The following PIBF1 variants were observed in gnomAD, a reference collection of about 807,000 sequenced individuals.
The protein encoded by PIBF1 is progesterone immunomodulatory binding factor 1, also known as progesterone-induced-blocking factor 1.
In PIBF1, 90 loss-of-function variants were observed where a neutral mutation model predicts 112.5. The ratio of observed to expected loss-of-function variants is 0.80; its 90% CI spans 0.67 to 0.95. The LOEUF is 0.95. Among genes scored for constraint, PIBF1 ranks in the 40% least tolerant of loss-of-function variants. The pLI is 0.00. For missense variants in PIBF1, 915 were observed against 852.3 expected, an observed-to-expected ratio of 1.07 and a Z score of -0.92; for synonymous variants, 301 against 288.6, an observed-to-expected ratio of 1.04 and a Z score of -0.44.
intron 13 of PIBF1, among the ~76,000 whole-genome samples, chr13:72,919,853 C>T (rs1473880279): frequency 6.6e-6 from 1 of 152,060 alleles, no homozygotes; most frequent in Non-Finnish European, 1.5e-5. Flanking sequence ...CCTGTAGTCC[C>T]AGCTACCCTG....
chr13:72,929,146 A>G (rs1183984369), intron 13 of PIBF1, among the ~76,000 whole-genome samples: 1 of 152,246 alleles, frequency 6.6e-6, no homozygotes, highest in Non-Finnish European at 1.5e-5. Flanking sequence ...TTAACACCTA[A>G]CATGTATGAA....
chr13:72,784,292 A>AAAAAAT (rs1555279458), intron 2 of PIBF1, among the ~76,000 whole-genome samples: 33 of 151,172 alleles, frequency 2.2e-4, no homozygotes, highest in Admixed American at 7.9e-4. Flanking sequence ...AAAAAAAAAA[A>AAAAAAT]AAAATTAGCC....
chr13:72,840,908 A>T (rs2037582516), intron 9 of PIBF1, among the ~76,000 whole-genome samples: 1 of 152,206 alleles, frequency 6.6e-6, no homozygotes, highest in Admixed American at 6.5e-5. Flanking sequence ...ACATTGGAGG[A>T]TATTAAAAGG....
intron 5 of PIBF1, among the ~76,000 whole-genome samples, chr13:72,818,186 A>C (rs1009104532): frequency 1.3e-5 from 2 of 152,054 alleles, no homozygotes; most frequent in Non-Finnish European, 2.9e-5. Flanking sequence ...GATGATCTTT[A>C]CCTTTTTAGA....
intron 10 of PIBF1, among the ~76,000 whole-genome samples, chr13:72,882,314 C>G (rs1027713874): frequency 2.0e-5 from 3 of 152,156 alleles, no homozygotes; most frequent in Non-Finnish European, 2.9e-5. Flanking sequence ...AGACTTAAAT[C>G]TAAGACCTCA....
chr13:72,957,930 CAACAGAGTGAGATCCT>C (rs1219372968), intron 14 of PIBF1, among the ~76,000 whole-genome samples: 3 of 150,978 alleles, frequency 2.0e-5, no homozygotes, highest in Admixed American at 6.6e-5. Context: ...CCAGCCTGAG[CAACAGAGTGAGATCCT>C]ATCTCGGGCA....
Position 72,827,766 on chromosome 13 carries a change from C to A in PIBF1, c.949C>A (p.Gln317Lys). 1 of 1,591,214 alleles carries A rather than the reference C, an allele frequency of 6.3e-7. No homozygotes were observed. The highest frequency in any genetic ancestry group is 1.8e-5 in the Admixed American group (1 of 57,034). ...VTLEQTVTLL[Q>K]KDKEYLNRQN... Reference sequence around the variant, plus strand: ...CTTAGAGCAAACTGTTACTTTACTGCAAAAGGATAAAGAATATCTTAATCG... The same window carrying A: ...CTTAGAGCAAACTGTTACTTTACTGAAAAAGGATAAAGAATATCTTAATCG... Residue 317 changes from glutamine (Q) to lysine (K), a missense_variant, in exon 8 of 18, where the codon CAA becomes AAA. Gln to Lys is a moderately conservative substitution (Grantham distance 53). Coordinates refer to ENST00000326291, the MANE Select transcript of PIBF1 (RefSeq NM_006346.4).
chr13:72,887,160 G>T (rs2039891453), intron 10 of PIBF1, among the ~76,000 whole-genome samples: 1 of 150,050 alleles, frequency 6.7e-6, no homozygotes. Context: ...TCAGTATCCA[G>T]GTATATATTT....
In PIBF1 at chr13:72,931,717, C is replaced by CATATATAT. The variant is rs1414425546; in HGVS notation, c.1833+450_1833+451insATATATAT. Among the ~76,000 whole-genome samples, 9 of 24,412 alleles carry CATATATAT rather than the reference C, an allele frequency of 3.7e-4. No individual in the cohort carries two copies. The Admixed American group carries it at 4.8e-3, about 13-fold the overall frequency. 16.0% of individuals were successfully genotyped at this position (24,412 alleles called of 152,430 possible). On this transcript the variant is annotated intron_variant, in intron 14 of 17. Transcript: ENST00000326291. The stretch of plus-strand genomic sequence containing the variant: ...TCTTAGCCTTATGTCATTTAAACTA[C>CATATATAT]GTATATATATATATATATATATATA...
At position 72,866,140 on chromosome 13, in the gene PIBF1, C is replaced by A. The variant is rs1188928802; in HGVS notation, c.1322+11985C>A. Among the ~76,000 whole-genome samples, 22 of 152,128 alleles carry A rather than the reference C, an allele frequency of 1.4e-4. 1 individual carries two copies. Among genetic ancestry groups the A allele is most frequent in the Admixed American group, 1.4e-3 (22 of 15,284 alleles). On this transcript the variant is annotated intron_variant, in intron 10 of 17. Coordinates refer to ENST00000326291, the MANE Select transcript of PIBF1 (RefSeq NM_006346.4). ...GCCTCTGTCTTCATGTGGCTTTCTC[C>A]TTTGTGTGCCTCTTATATGGATATA...
At chr13:72,895,032 GA>G (rs2040223456) in intron 11 of PIBF1, among the ~76,000 whole-genome samples, 3 of 151,520 alleles carry the variant, frequency 2.0e-5, no homozygotes, top group African/African-American at 7.3e-5. Flanking sequence ...TTGAGACAGG[GA>G]GGATTGCTTA....
rs2042588799 is a variant in PIBF1 at position 72,961,004 on chromosome 13, G to A, written c.1834-4270G>A. Among the ~76,000 whole-genome samples, 4 of 148,992 alleles carry A rather than the reference G, an allele frequency of 2.7e-5. No individual in the cohort carries two copies. The South Asian group carries it at 8.5e-4, about 32-fold the overall frequency. On this transcript the variant is annotated intron_variant, in intron 14 of 17. Coordinates refer to ENST00000326291, the MANE Select transcript of PIBF1 (RefSeq NM_006346.4). ...TGAAATGTGTTCCCCCAAAAAAGTA[G>A]CCTTCTTTTCTTTCACTATTCATTT...
chr13:72,996,091 G>GT lies in PIBF1; in HGVS notation c.2050-2731_2050-2730insT, dbSNP rs1464046178. On this transcript the variant is annotated intron_variant, in intron 16 of 17. Transcript: ENST00000326291. Reference sequence around the variant, plus strand: ...TTCATAACAAAAAAAAAAAAGCGGGGGGGGGGGGTCATAAACAAAGTCAAG... The same window carrying GT: ...TTCATAACAAAAAAAAAAAAGCGGGGTGGGGGGGGTCATAAACAAAGTCAAG... Among the ~76,000 whole-genome samples the GT allele has an allele frequency of 6.7e-5, 8 of 120,156 alleles. 2 individuals are homozygous for GT. The highest frequency in any genetic ancestry group is 5.1e-4 in the Admixed American group (6 of 11,772). 78.8% of individuals were successfully genotyped at this position (120,156 alleles called of 152,430 possible).
At chr13:72,782,410 A>C (rs2034315168) in intron 1 of PIBF1, 61 bp downstream of exon 1, 1 of 152,170 alleles carries the variant, frequency 6.6e-6, no homozygotes, top group South Asian at 2.1e-4. Context: ...CCGAGCTGCC[A>C]AGTTTGGGGC....
chr13:72,858,617 G>T (rs1324867788), intron 10 of PIBF1, among the ~76,000 whole-genome samples: 1 of 152,150 alleles, frequency 6.6e-6, no homozygotes, highest in Non-Finnish European at 1.5e-5. Context: ...GGTGTTGCAT[G>T]GTTGGTGGAC....
In PIBF1 at chr13:72,797,813, T is replaced by G. The variant is rs575061168; in HGVS notation, c.553-94T>G. 2.5e-4 allele frequency: 220 copies of G among 891,736 alleles called. 2 individuals carry two copies. The South Asian group carries it at 2.5e-3, about 10-fold the overall frequency. 55.2% of individuals were successfully genotyped at this position (891,736 alleles called of 1,614,324 possible). A position where few individuals can be genotyped will look rare whatever the true frequency, so the allele number is the denominator to read the frequency against. ...TGTCTTGTTGTAGTTTTGTAAATAT[T>G]TATCTTTATTACTGATAAGTGAGAG... On this transcript the variant is annotated intron_variant, in intron 4 of 17. Coordinates refer to ENST00000326291, the MANE Select transcript of PIBF1 (RefSeq NM_006346.4).
chr13:72,816,708 AG>A (rs1488723391), intron 5 of PIBF1, among the ~76,000 whole-genome samples: 1 of 151,712 alleles, frequency 6.6e-6, no homozygotes, highest in Non-Finnish European at 1.5e-5. Flanking sequence ...AAAAAAAAAA[AG>A]CCTTAAGTTT....
At chr13:72,798,709 CA>C (rs2035317045) in intron 5 of PIBF1, among the ~76,000 whole-genome samples, 1 of 151,802 alleles carries the variant, frequency 6.6e-6, no homozygotes, top group Non-Finnish European at 1.5e-5. Flanking sequence ...AGTCTACTAA[CA>C]AAAAAATAAT....
chr13:72,965,687 T>A (rs1258854585), intron 15 of PIBF1, among the ~76,000 whole-genome samples: 3 of 152,192 alleles, frequency 2.0e-5, no homozygotes, highest in Non-Finnish European at 2.9e-5. Context: ...GGTCCTTGTT[T>A]CCCTAGAACT....
Sources: gnomAD v4.1 joint callset for allele counts (sites outside exome capture counted in the v4.1 genomes callset) on GRCh38, gnomAD v4.1.1 for gene constraint, MANE v1.5 for transcripts, NCBI Gene and HGNC (gene_info 2026-07-23, HGNC 2026-07-21) for gene names.